Variants in TTC12 observed in about 807,000 individuals in gnomAD.
The protein encoded by TTC12 is tetratricopeptide repeat protein 12.
In TTC12, 70 loss-of-function variants were observed where a neutral mutation model predicts 90.1. That is an observed-to-expected ratio of 0.78 (90% confidence interval 0.64 to 0.95). TTC12 has a LOEUF of 0.95. TTC12 is among the 40% of genes least tolerant of loss of function. TTC12 has a pLI of 0.00. For missense variants in TTC12, 819 were observed against 846.1 expected (o/e 0.97, Z 0.40); for synonymous variants, 296 against 311.5 (o/e 0.95, Z 0.53).
At position 113,340,515 on chromosome 11, in the gene TTC12, A is replaced by G. The variant is rs530899841; in HGVS notation, c.827-149A>G. On this transcript the variant is annotated intron_variant, in intron 10 of 21. Transcript: ENST00000529221. ...GCTGCTGACCATTGTATGTTTCAAA[A>G]TGTAAAGTTCATTTGTTCCTGCCAA... The G allele has an allele frequency of 7.5e-4, 475 of 634,544 alleles. 1 individual carries two copies. Among genetic ancestry groups the G allele is most frequent in the Non-Finnish European group, 1.0e-3 (364 of 347,480 alleles). The allele number at this position is 634,544 out of a possible 1,614,324, so 39.3% of individuals were successfully genotyped here.
chr11:113,334,204 A>G (rs1565588560), intron 7 of TTC12, among the ~76,000 whole-genome samples: 1 of 152,220 alleles, frequency 6.6e-6, no homozygotes, highest in Non-Finnish European at 1.5e-5. Context: ...CTTGCATATA[A>G]AAGAAGTTCA....
At chr11:113,369,806 G>C (rs986351506), downstream of TTC12, among the ~76,000 whole-genome samples, 4 of 152,228 alleles carry the variant, frequency 2.6e-5, no homozygotes, top group Non-Finnish European at 2.9e-5. Flanking sequence ...GTGACTGACA[G>C]ATAGAAAGTA....
intron 6 of TTC12, among the ~76,000 whole-genome samples, chr11:113,327,008 A>G (rs1947736597): frequency 6.6e-6 from 1 of 152,176 alleles, no homozygotes; most frequent in Non-Finnish European, 1.5e-5. Flanking sequence ...TTTATTACCA[A>G]ATTTGGTCTC....
At chr11:113,329,555 C>T in intron 6 of TTC12, 1 of 464,774 alleles carries the variant, frequency 2.2e-6, no homozygotes, top group Non-Finnish European at 4.3e-6. Flanking sequence ...CTGGTGAAGG[C>T]CTCAGCTCAT....
intron 13 of TTC12, among the ~76,000 whole-genome samples, chr11:113,346,246 G>A (rs1027512009): frequency 6.6e-6 from 1 of 152,028 alleles, no homozygotes; most frequent in African/African-American, 2.4e-5. Context: ...GTCTCTGCTT[G>A]TGTGACCCAG....
At chr11:113,318,489 G>A (rs1304165933) in intron 2 of TTC12, among the ~76,000 whole-genome samples, 1 of 152,048 alleles carries the variant, frequency 6.6e-6, no homozygotes, top group Non-Finnish European at 1.5e-5. Context: ...TATATTTGGT[G>A]TTTCTCTTCT....
Position 113,352,209 on chromosome 11 carries a change from T to G in TTC12, c.1446+2T>G. On this transcript the variant is annotated splice_donor_variant, in intron 16 of 21. Transcript: ENST00000529221. LOFTEE classifies it high-confidence loss of function. ...GGGGATGGCTGCTTGAGCCTCCTGG[T>G]ATGTTAGCTTTTCTATTCAAAATTG... 1 of 1,614,150 alleles carries G rather than the reference T, an allele frequency of 6.2e-7. No individual in the cohort carries two copies. Among genetic ancestry groups the G allele is most frequent in the Non-Finnish European group, 8.5e-7 (1 of 1,180,004 alleles).
chr11:113,352,013 C>G, intron 15 of TTC12, 57 bp from the exon 16 acceptor site: 1 of 1,587,530 alleles, frequency 6.3e-7, no homozygotes, highest in Non-Finnish European at 8.6e-7. Context: ...ACCTAGAGAT[C>G]ATGCGGCATC....
At chr11:113,359,271 G>A (rs1169780141) in intron 16 of TTC12, 92 bp from the exon 17 acceptor site, 4 of 781,016 alleles carry the variant, frequency 5.1e-6, no homozygotes, top group Admixed American at 2.0e-5. Flanking sequence ...TAGGGAGTGT[G>A]GGGAACTCTG....
chr11:113,323,482 T>A, intron 3 of TTC12, 31 bp downstream of exon 3: 1 of 1,491,276 alleles, frequency 6.7e-7, no homozygotes, highest in Non-Finnish European at 8.9e-7. Context: ...GTTATATAAG[T>A]ACTTACAGTG....
chr11:113,357,102 C>T (rs1949676499), intron 16 of TTC12, among the ~76,000 whole-genome samples: 1 of 152,136 alleles, frequency 6.6e-6, no homozygotes, highest in Non-Finnish European at 1.5e-5. Flanking sequence ...TTCTATATTC[C>T]TCAGAGGTTT....
At chr11:113,320,506 C>T (rs1165358854) in intron 2 of TTC12, among the ~76,000 whole-genome samples, 1 of 152,172 alleles carries the variant, frequency 6.6e-6, no homozygotes, top group Non-Finnish European at 1.5e-5. Context: ...TCTTTCCCCT[C>T]CATTCCCCCT....
At chr11:113,361,377 A>T (rs1313304036) in intron 18 of TTC12, among the ~76,000 whole-genome samples, 1 of 152,246 alleles carries the variant, frequency 6.6e-6, no homozygotes, top group African/African-American at 2.4e-5. Flanking sequence ...AAGTTTCCTG[A>T]AGATGGAGAA....
intron 7 of TTC12, among the ~76,000 whole-genome samples, chr11:113,334,626 G>A: frequency 6.6e-6 from 1 of 151,312 alleles, no homozygotes; most frequent in Non-Finnish European, 1.5e-5. Flanking sequence ...TGGGGTGCAG[G>A]GCCGGCAGGA....
At chr11:113,363,802 T>G in intron 19 of TTC12, 26 bp from the exon 20 acceptor site, 1 of 1,537,660 alleles carries the variant, frequency 6.5e-7, no homozygotes. Flanking sequence ...CTGATTTTAT[T>G]TTTCTAATTT....
At chr11:113,330,642 T>C (rs541352170) in intron 7 of TTC12, among the ~76,000 whole-genome samples, 2 of 152,338 alleles carry the variant, frequency 1.3e-5, no homozygotes, top group East Asian at 3.9e-4. Context: ...TAAAGTACTC[T>C]GTCACGGGGG....
At position 113,321,069 on chromosome 11, in the gene TTC12, G is replaced by A. The variant is rs548176650; in HGVS notation, c.59-2219G>A. The stretch of plus-strand genomic sequence containing the variant: ...TATTAACTAATAAGAAAGAGACAAT[G>A]ACCCAATAGAAAATTGGCCAAGGAT... On this transcript the variant is annotated intron_variant, in intron 2 of 21. Coordinates refer to ENST00000529221, the MANE Select transcript of TTC12 (RefSeq NM_017868.4). 4.6e-5 allele frequency among the ~76,000 whole-genome samples: 7 copies of A among 152,124 alleles called. No homozygotes were observed. In the East Asian group the frequency reaches 1.4e-3, roughly 29 times the overall value.
intron 13 of TTC12, 48 bp downstream of exon 13, chr11:113,344,488 T>C (rs2138009921): frequency 1.3e-6 from 2 of 1,571,468 alleles, no homozygotes; most frequent in Non-Finnish European, 1.7e-6. Context: ...ATGTCATCAC[T>C]TGACAAGTTC....
Position 113,360,129 on chromosome 11 carries a change from C to T in TTC12, c.1614+121C>T, listed in dbSNP as rs530793687. On this transcript the variant is annotated intron_variant, in intron 18 of 21. Transcript: ENST00000529221. ...TGCCACCTTTGAGAATCTGCTGACT[C>T]TGAGATATGGTGTGGATATACTATT... The T allele has an allele frequency of 1.7e-4, 114 of 681,144 alleles. 1 individual carries two copies. Among genetic ancestry groups the T allele is most frequent in the South Asian group, 1.5e-3 (86 of 55,534 alleles). The allele number at this position is 681,144 out of a possible 1,614,324, so 42.2% of individuals were successfully genotyped here. A position where few individuals can be genotyped will look rare whatever the true frequency, so the allele number is the denominator to read the frequency against.
Sources: allele counts gnomAD v4.1 joint callset (sites outside exome capture counted in the v4.1 genomes callset), GRCh38; gene constraint gnomAD v4.1.1; transcripts MANE v1.5; gene names NCBI Gene and HGNC (gene_info 2026-07-23, HGNC 2026-07-21).